The following TMC1 variants were observed in gnomAD, a reference collection of about 807,000 sequenced individuals.
TMC1 encodes transmembrane channel-like protein 1.
Under a neutral mutation model 105.8 loss-of-function variants are expected in TMC1, and 84 were observed. The ratio of observed to expected loss-of-function variants is 0.79; its 90% CI spans 0.67 to 0.95. The LOEUF (loss-of-function observed/expected upper bound fraction) is 0.95. TMC1 is among the 40% of genes least tolerant of loss of function. The pLI is 0.00. For synonymous variants in TMC1, 315 were observed against 311.5 expected (o/e 1.01, Z -0.12); for missense variants, 817 against 914.1 (o/e 0.89, Z 1.37).
At chr9:72,827,015 T>C (rs1277538525) in intron 21 of TMC1, 21 bp downstream of exon 21, 27 of 1,613,696 alleles carry the variant, frequency 1.7e-5, no homozygotes, top group East Asian at 2.2e-5. Flanking sequence ...TTCCTCCTCA[T>C]AGAAAGAGCC....
intron 8 of TMC1, among the ~76,000 whole-genome samples, chr9:72,713,111 C>T (rs1468407835): frequency 6.6e-6 from 1 of 152,070 alleles, no homozygotes; most frequent in Non-Finnish European, 1.5e-5. Context: ...GCCTTGCATC[C>T]CCAGGATGAA....
chr9:72,608,974 A>ACACCACTAC (rs1824975195), intron 2 of TMC1, among the ~76,000 whole-genome samples: 1 of 152,024 alleles, frequency 6.6e-6, no homozygotes, highest in Non-Finnish European at 1.5e-5. Context: ...AAAAACAAAA[A>ACACCACTAC]CACCACTACC....
At chr9:72,727,176 T>C (rs1315010644) in intron 8 of TMC1, among the ~76,000 whole-genome samples, 1 of 152,184 alleles carries the variant, frequency 6.6e-6, no homozygotes, top group Admixed American at 6.6e-5. Context: ...TTCTATTAGC[T>C]CTTTAACATC....
intron 4 of TMC1, among the ~76,000 whole-genome samples, chr9:72,633,208 A>G (rs185983575): frequency 6.6e-6 from 1 of 152,286 alleles, no homozygotes; most frequent in East Asian, 1.9e-4. Flanking sequence ...GCTTAAAGGG[A>G]AAGCTTGGCC....
chr9:72,600,707 T>A (rs1383343275), intron 2 of TMC1, among the ~76,000 whole-genome samples: 1 of 152,004 alleles, frequency 6.6e-6, no homozygotes, highest in Non-Finnish European at 1.5e-5. Flanking sequence ...AAGAAAAAAA[T>A]TAAAATAAAA....
chr9:72,692,669 A>G (rs1826485084), intron 6 of TMC1, among the ~76,000 whole-genome samples: 1 of 152,100 alleles, frequency 6.6e-6, no homozygotes, highest in South Asian at 2.1e-4. Context: ...TCCTTTCTTT[A>G]ATTAGTGACT....
In TMC1 at chr9:72,725,349, A is replaced by G. The variant is rs909679962; in HGVS notation, c.363-14770A>G. On this transcript the variant is annotated intron_variant, in intron 8 of 23. Transcript: ENST00000297784. The stretch of plus-strand genomic sequence containing the variant: ...TGTATATATATATATATATATATAT[A>G]TATATATATATATATATATGTATAT... 1.2e-4 allele frequency among the ~76,000 whole-genome samples: 16 copies of G among 132,198 alleles called. 1 individual carries two copies. Among genetic ancestry groups the G allele is most frequent in the African/African-American group, 4.5e-4 (16 of 35,168 alleles). 86.7% of individuals were successfully genotyped at this position (132,198 alleles called of 152,430 possible).
At chr9:72,598,840 A>G (rs1824761177) in intron 2 of TMC1, among the ~76,000 whole-genome samples, 1 of 152,028 alleles carries the variant, frequency 6.6e-6, no homozygotes, top group African/African-American at 2.4e-5. Context: ...TTTCCTGTAC[A>G]TTTGGGGATG....
rs79917431 is a variant in TMC1 at position 72,749,512 on chromosome 9, G to A, written c.536-2338G>A. Among the ~76,000 whole-genome samples the A allele has an allele frequency of 1.3e-4, 20 of 152,254 alleles. 1 individual carries two copies. In the East Asian group the frequency reaches 3.9e-3, roughly 29 times the overall value. ...ATGAAATGGTATGAAGTCACTGGGA[G>A]CCAAGTGGGTGATCAGATGTCCTAG... On this transcript the variant is annotated intron_variant, in intron 10 of 23. Transcript: ENST00000297784.
At chr9:72,808,564 C>T (rs1280085075) in intron 18 of TMC1, among the ~76,000 whole-genome samples, 4 of 152,212 alleles carry the variant, frequency 2.6e-5, no homozygotes, top group Non-Finnish European at 4.4e-5. Context: ...AATAGAGGCC[C>T]TGACCTCTCT....
intron 4 of TMC1, among the ~76,000 whole-genome samples, chr9:72,638,905 C>G (rs1825579246): frequency 6.6e-6 from 1 of 152,066 alleles, no homozygotes; most frequent in Non-Finnish European, 1.5e-5. Context: ...TACTTAAATG[C>G]ACAATTATTT....
intron 5 of TMC1, among the ~76,000 whole-genome samples, chr9:72,652,634 G>T (rs1441910955): frequency 6.6e-6 from 1 of 152,188 alleles, no homozygotes; most frequent in Non-Finnish European, 1.5e-5. Context: ...CTGTAAAAAT[G>T]ATGACAATTC....
At chr9:72,735,379 A>G (rs1192805607) in intron 8 of TMC1, among the ~76,000 whole-genome samples, 1 of 152,260 alleles carries the variant, frequency 6.6e-6, no homozygotes, top group Non-Finnish European at 1.5e-5. Context: ...TAATTTATTC[A>G]GATAAATACA....
chr9:72,831,887 G>T (rs75085581), intron 23 of TMC1, among the ~76,000 whole-genome samples: 1 of 151,720 alleles, frequency 6.6e-6, no homozygotes, highest in South Asian at 2.1e-4. Flanking sequence ...GAATAGTGCC[G>T]CAATAAACAT....
At chr9:72,536,005 G>C (rs577766888) in intron 1 of TMC1, among the ~76,000 whole-genome samples, 10 of 152,256 alleles carry the variant, frequency 6.6e-5, no homozygotes, top group African/African-American at 2.2e-4. Flanking sequence ...AGGTTTGAAG[G>C]GGGGACAAAC....
chr9:72,755,297 G>A (rs1423206585), intron 12 of TMC1, among the ~76,000 whole-genome samples: 1 of 152,146 alleles, frequency 6.6e-6, no homozygotes, highest in Non-Finnish European at 1.5e-5. Context: ...GTTTGCAAAT[G>A]TGCTTTTTGG....
intron 1 of TMC1, among the ~76,000 whole-genome samples, chr9:72,539,592 C>T (rs546262736): frequency 6.6e-6 from 1 of 152,234 alleles, no homozygotes; most frequent in South Asian, 2.1e-4. Context: ...CCTGCTCAGC[C>T]TTGCCTTTAC....
chr9:72,605,783 C>T (rs1824901223), intron 2 of TMC1, among the ~76,000 whole-genome samples: 2 of 151,882 alleles, frequency 1.3e-5, no homozygotes, highest in African/African-American at 4.8e-5. Flanking sequence ...GTCATGTTGC[C>T]CAGGCTGGTC....
At chr9:72,701,914 G>A (rs973146427) in intron 8 of TMC1, among the ~76,000 whole-genome samples, 8 of 152,142 alleles carry the variant, frequency 5.3e-5, no homozygotes, top group Non-Finnish European at 1.2e-4. Flanking sequence ...CCCTTTGCAT[G>A]CTCATGTACA....
Sources: gnomAD v4.1 joint callset for allele counts (sites outside exome capture counted in the v4.1 genomes callset) on GRCh38, gnomAD v4.1.1 for gene constraint, MANE v1.5 for transcripts, NCBI Gene and HGNC (gene_info 2026-07-23, HGNC 2026-07-21) for gene names.